Variants in GNB4 observed in about 807,000 individuals in gnomAD.
GNB4 encodes G protein subunit beta 4.
Under a neutral mutation model 45.2 loss-of-function variants are expected in GNB4, and 28 were observed. The ratio of observed to expected loss-of-function variants is 0.62; its 90% CI spans 0.46 to 0.85. The LOEUF (loss-of-function observed/expected upper bound fraction) is 0.85. GNB4 is among the 40% of genes least tolerant of loss of function. The pLI is 0.00. For synonymous variants in GNB4, 132 were observed against 143.7 expected (o/e 0.92, Z 0.58); for missense variants, 321 against 425.4 (o/e 0.75, Z 2.16).
At chr3:179,491,083 T>C in the GNB4 span, among the ~76,000 whole-genome samples, 1 of 152,070 alleles carries the variant, frequency 6.6e-6, no homozygotes, top group African/African-American at 2.4e-5. Context: ...TTATAAAAAT[T>C]CTCTAAGAAG....
the GNB4 span, among the ~76,000 whole-genome samples, chr3:179,519,704 C>T: frequency 1.8e-4 from 28 of 152,242 alleles, no homozygotes; most frequent in African/African-American, 6.0e-4. Flanking sequence ...TCTCCCAGTT[C>T]GAAGCCTCCT....
the GNB4 span, among the ~76,000 whole-genome samples, chr3:179,506,154 G>A: frequency 6.6e-6 from 1 of 152,198 alleles, no homozygotes; most frequent in African/African-American, 2.4e-5. Context: ...ACCAGCCTGG[G>A]TAACATGGTA....
chr3:179,502,228 C>CTTTTTTTT, the GNB4 span, among the ~76,000 whole-genome samples: 5 of 73,462 alleles, frequency 6.8e-5, no homozygotes, highest in African/African-American at 1.0e-4. Flanking sequence ...TTTTTCTTTT[C>CTTTTTTTT]TTTTTTTTTT....
chr3:179,521,160 C>T, the GNB4 span, among the ~76,000 whole-genome samples: 2 of 152,018 alleles, frequency 1.3e-5, no homozygotes, highest in African/African-American at 2.4e-5. Context: ...AGAAGGCGAC[C>T]GTGGTCATTT....
the GNB4 span, among the ~76,000 whole-genome samples, chr3:179,487,568 A>T: frequency 6.6e-6 from 1 of 152,204 alleles, no homozygotes; most frequent in Non-Finnish European, 1.5e-5. Flanking sequence ...TAAGACTGAC[A>T]AAACAGTAGC....
At chr3:179,421,730 C>T (rs751751425) in intron 2 of GNB4, among the ~76,000 whole-genome samples, 3 of 152,248 alleles carry the variant, frequency 2.0e-5, no homozygotes, top group African/African-American at 7.2e-5. Flanking sequence ...CATGATCTTT[C>T]TGGCTGCCCT....
the GNB4 span, among the ~76,000 whole-genome samples, chr3:179,483,713 T>A: frequency 2.6e-5 from 4 of 152,314 alleles, no homozygotes; most frequent in South Asian, 8.3e-4. Context: ...AAAATTTTTA[T>A]CTCTTACCAG....
chr3:179,450,707 T>A (rs1290312489), intron 1 of GNB4, among the ~76,000 whole-genome samples: 1 of 152,202 alleles, frequency 6.6e-6, no homozygotes, highest in African/African-American at 2.4e-5. Flanking sequence ...CATATCAAAG[T>A]ATATGGCAAT....
the GNB4 span, among the ~76,000 whole-genome samples, chr3:179,504,582 T>A: frequency 6.6e-6 from 1 of 152,206 alleles, no homozygotes; most frequent in Non-Finnish European, 1.5e-5. Context: ...TAACAGACCA[T>A]TTCAGAGAGC....
At chr3:179,407,245 G>C (rs1337704556) in intron 8 of GNB4, among the ~76,000 whole-genome samples, 1 of 152,148 alleles carries the variant, frequency 6.6e-6, no homozygotes, top group Non-Finnish European at 1.5e-5. Flanking sequence ...GATCACCTGA[G>C]GTCAGGAGTT....
chr3:179,423,315 C>T (rs1715048193), intron 2 of GNB4, among the ~76,000 whole-genome samples: 1 of 152,150 alleles, frequency 6.6e-6, no homozygotes, highest in South Asian at 2.1e-4. Context: ...CAACACAAGG[C>T]AGACCGTGAT....
At chr3:179,414,606 G>T (rs564013757) in intron 6 of GNB4, among the ~76,000 whole-genome samples, 1 of 152,238 alleles carries the variant, frequency 6.6e-6, no homozygotes, top group Admixed American at 6.5e-5. Flanking sequence ...AGCAGAAAAT[G>T]GAGAACATTT....
rs1302217343 is a variant in GNB4 at position 179,415,957 on chromosome 3, C to A, written c.267+536G>T. Reference sequence around the variant, plus strand: ...AAAGGTATTAGCTTATCAAAGTATTCCTGAAGCTTTTTCACCACTCAACTA... The same window carrying A: ...AAAGGTATTAGCTTATCAAAGTATTACTGAAGCTTTTTCACCACTCAACTA... On this transcript the variant is annotated intron_variant, in intron 5 of 9. Coordinates refer to ENST00000232564, the MANE Select transcript of GNB4 (RefSeq NM_021629.4). Among the ~76,000 whole-genome samples the A allele has an allele frequency of 6.0e-5, 9 of 150,274 alleles. No individual in the cohort carries two copies. The East Asian group carries it at 1.2e-3, about 20-fold the overall frequency.
chr3:179,497,407 A>C, the GNB4 span, among the ~76,000 whole-genome samples: 1 of 152,204 alleles, frequency 6.6e-6, no homozygotes, highest in East Asian at 1.9e-4. Flanking sequence ...TCATACATGA[A>C]AACATAGAAG....
intron 8 of GNB4, among the ~76,000 whole-genome samples, chr3:179,412,316 AAAAC>A (rs10636584): frequency 2.0e-5 from 3 of 147,100 alleles, no homozygotes; most frequent in Non-Finnish European, 4.6e-5. Flanking sequence ...AAGATTAAAA[AAAAC>A]AAACAAACAC....
the GNB4 span, among the ~76,000 whole-genome samples, chr3:179,471,178 CA>C: frequency 0.023 from 3,058 of 132,266 alleles, 78 homozygotes; most frequent in African/African-American, 0.066. Context: ...GACTCCGTCT[CA>C]AAAAAAAAAA....
the GNB4 span, among the ~76,000 whole-genome samples, chr3:179,502,577 T>C: frequency 6.6e-6 from 1 of 152,142 alleles, no homozygotes; most frequent in Admixed American, 6.5e-5. Flanking sequence ...GTGAACAACA[T>C]CATCTTCATC....
intron 8 of GNB4, among the ~76,000 whole-genome samples, chr3:179,407,195 C>G (rs1291503049): frequency 1.3e-5 from 2 of 152,160 alleles, no homozygotes; most frequent in African/African-American, 2.4e-5. Flanking sequence ...CACGGTGGCT[C>G]ACACCTGTAA....
At chr3:179,473,177 G>A in the GNB4 span, among the ~76,000 whole-genome samples, 1 of 151,996 alleles carries the variant, frequency 6.6e-6, no homozygotes, top group Non-Finnish European at 1.5e-5. Context: ...AAAACTGAAA[G>A]AAAATGACAA....
Sources: gnomAD v4.1 joint callset for allele counts (sites outside exome capture counted in the v4.1 genomes callset) on GRCh38, gnomAD v4.1.1 for gene constraint, MANE v1.5 for transcripts, NCBI Gene and HGNC (gene_info 2026-07-23, HGNC 2026-07-21) for gene names.